The following PKHD1 variants were observed in gnomAD, a reference collection of about 807,000 sequenced individuals.
PKHD1 encodes PKHD1 ciliary IPT domain containing fibrocystin/polyductin.
In PKHD1, 291 loss-of-function variants were observed where a neutral mutation model predicts 412.0. The ratio of observed to expected loss-of-function variants is 0.71; its 90% CI spans 0.64 to 0.78. The LOEUF (loss-of-function observed/expected upper bound fraction) is 0.78, where lower values mean the gene tolerates loss of function less well. Ranked by LOEUF, PKHD1 falls within the 30% of genes least tolerant of loss-of-function variation. The pLI is 0.00. For missense variants in PKHD1, 4,825 were observed against 4,950.7 expected (o/e 0.97, Z 0.76); for synonymous variants, 1,777 against 1,821.5 (o/e 0.98, Z 0.62).
At chr6:51,870,788 C>T (rs1775866756) in intron 46 of PKHD1, 149 bp from the exon 47 acceptor site, 3 of 634,368 alleles carry the variant, frequency 4.7e-6, no homozygotes, top group African/African-American at 3.7e-5. Context: ...GACAAAGGAC[C>T]TATATCCAGA....
intron 60 of PKHD1, among the ~76,000 whole-genome samples, chr6:51,676,602 C>T (rs1582018497): frequency 8.7e-6 from 1 of 114,864 alleles, no homozygotes; most frequent in African/African-American, 2.9e-5. Flanking sequence ...ACATTTATAC[C>T]TCATTTGATT....
chr6:51,906,670 A>T (rs1034872530), intron 40 of PKHD1, among the ~76,000 whole-genome samples: 1 of 152,164 alleles, frequency 6.6e-6, no homozygotes, highest in Non-Finnish European at 1.5e-5. Context: ...ATCATAATAC[A>T]GCAGATGAGA....
At chr6:51,795,067 T>C (rs1677246803) in intron 52 of PKHD1, among the ~76,000 whole-genome samples, 1 of 152,232 alleles carries the variant, frequency 6.6e-6, no homozygotes, top group African/African-American at 2.4e-5. Context: ...GTGAAGAATC[T>C]TAATGGTAGT....
intron 35 of PKHD1, among the ~76,000 whole-genome samples, chr6:51,969,108 A>T (rs1793281569): frequency 6.6e-6 from 1 of 152,192 alleles, no homozygotes; most frequent in Non-Finnish European, 1.5e-5. Flanking sequence ...GTGAGTCCTT[A>T]AGAGAGAGAT....
intron 35 of PKHD1, among the ~76,000 whole-genome samples, chr6:51,981,377 G>A (rs1257509410): frequency 1.1e-4 from 7 of 65,078 alleles, no homozygotes; most frequent in African/African-American, 2.6e-4. Flanking sequence ...CTCCCTCCAC[G>A]GTCTCCCTCT....
intron 49 of PKHD1, among the ~76,000 whole-genome samples, chr6:51,854,281 T>C (rs927728132): frequency 6.6e-6 from 1 of 151,856 alleles, no homozygotes; most frequent in Admixed American, 6.6e-5. Flanking sequence ...GAGACAGGAG[T>C]GCAGCAAAGA....
intron 60 of PKHD1, among the ~76,000 whole-genome samples, chr6:51,671,548 C>T (rs1438707974): frequency 1.3e-5 from 2 of 152,304 alleles, no homozygotes; most frequent in African/African-American, 4.8e-5. Flanking sequence ...TCTCTCAGCT[C>T]GTCAAAGTCA....
rs750265040 is a variant in PKHD1, at chr6:52,069,541, A to G, written c.708-14T>C. On this transcript the variant is annotated splice_polypyrimidine_tract_variant and intron_variant, in intron 10 of 66. Transcript: ENST00000371117. The stretch of plus-strand genomic sequence containing the variant: ...TGGACCATTGACCTTCGAAAAAGAC[A>G]AAGTTCTGTTTTGAATGAAAATATC... 9 of 1,604,836 alleles carry G rather than the reference A, an allele frequency of 5.6e-6. No homozygotes were observed. Among genetic ancestry groups the G allele is most frequent in the Non-Finnish European group, 7.7e-6 (9 of 1,171,648 alleles).
At chr6:52,052,000 G>A (rs1438168710) in intron 21 of PKHD1, among the ~76,000 whole-genome samples, 2 of 152,120 alleles carry the variant, frequency 1.3e-5, no homozygotes, top group African/African-American at 2.4e-5. Flanking sequence ...ATTTTGATGA[G>A]AATCAAAGAT....
At chr6:51,917,172 A>T (rs576502719) in intron 37 of PKHD1, among the ~76,000 whole-genome samples, 1 of 105,304 alleles carries the variant, frequency 9.5e-6, no homozygotes, top group Admixed American at 1.3e-4. Flanking sequence ...GGAGGGAGAG[A>T]GGGAGAGAGG....
intron 60 of PKHD1, among the ~76,000 whole-genome samples, chr6:51,743,458 T>C (rs577895167): frequency 2.2e-4 from 33 of 152,148 alleles, no homozygotes; most frequent in Non-Finnish European, 4.7e-4. Flanking sequence ...TTGAGGCATA[T>C]TGAGTCTGAG....
In PKHD1 at chr6:52,065,133, T is replaced by TTATATA. The variant is rs369093047; in HGVS notation, c.881-89_881-84dup. The TTATATA allele has an allele frequency of 1.6e-3, 218 of 132,194 alleles. 1 individual carries two copies. The highest frequency in any genetic ancestry group is 2.4e-3 in the Non-Finnish European group (178 of 74,614). 8.2% of individuals were successfully genotyped at this position (132,194 alleles called of 1,614,324 possible). ...TATATGTGTGTGGGTATATGTATAA[T>TTATATA]TATATATATATATATATATATATAT... On this transcript the variant is annotated intron_variant, in intron 12 of 66. Coordinates refer to ENST00000371117, the MANE Select transcript of PKHD1 (RefSeq NM_138694.4).
chr6:51,702,060 C>T (rs1779465574), intron 60 of PKHD1, among the ~76,000 whole-genome samples: 2 of 149,104 alleles, frequency 1.3e-5, no homozygotes, highest in Admixed American at 6.7e-5. Flanking sequence ...TACTTGCACA[C>T]ACATGTTTAT....
At chr6:51,960,360 T>C (rs902598547) in intron 35 of PKHD1, among the ~76,000 whole-genome samples, 6 of 152,206 alleles carry the variant, frequency 3.9e-5, no homozygotes, top group South Asian at 2.1e-4. Flanking sequence ...GCCTTTTTTT[T>C]CCCCTCTAGC....
At chr6:51,807,840 T>C (rs1436336572) in intron 52 of PKHD1, among the ~76,000 whole-genome samples, 1 of 152,032 alleles carries the variant, frequency 6.6e-6, no homozygotes. Context: ...GTATGATTCC[T>C]TTTACATGAA....
intron 48 of PKHD1, among the ~76,000 whole-genome samples, chr6:51,860,949 T>C (rs1484039293): frequency 1.3e-5 from 2 of 152,002 alleles, no homozygotes; most frequent in African/African-American, 4.8e-5. Context: ...GTAGCTGGGA[T>C]TACAGGCACC....
At chr6:52,064,508 T>C (rs183336209) in intron 13 of PKHD1, among the ~76,000 whole-genome samples, 7 of 152,270 alleles carry the variant, frequency 4.6e-5, no homozygotes, top group Admixed American at 4.6e-4. Flanking sequence ...GAAAAATTCA[T>C]ATTTAAATGC....
rs1562253811 is a variant in PKHD1 at position 52,058,526 on chromosome 6, A to G, written c.1309T>C (p.Trp437Arg). The part of the protein sequence containing the change: ...SWEQNRDEGT[W>R]QQKTPKLELL... Reference sequence around the variant, plus strand: ...TCCAACTTGGGAGTCTTCTGCTGCCAGGTCCCTTCATCCCTATTCTGCTCC... The same window carrying G: ...TCCAACTTGGGAGTCTTCTGCTGCCGGGTCCCTTCATCCCTATTCTGCTCC... Residue 437 changes from tryptophan (W) to arginine (R), a missense_variant, in exon 16 of 67, where the codon TGG (tryptophan) becomes CGG (arginine). Trp to Arg is a moderately radical substitution (Grantham distance 101, BLOSUM62 -3). Transcript: ENST00000371117. 6.2e-7 allele frequency: 1 copy of G among 1,614,194 alleles called. No individual in the cohort carries two copies. Among genetic ancestry groups the G allele is most frequent in the Non-Finnish European group, 8.5e-7 (1 of 1,180,028 alleles).
At chr6:52,047,360 A>G (rs543548499) in intron 23 of PKHD1, among the ~76,000 whole-genome samples, 2 of 152,274 alleles carry the variant, frequency 1.3e-5, no homozygotes, top group East Asian at 3.9e-4. Flanking sequence ...CTCTCACCCA[A>G]GAAGGTCCTG....
Sources: allele counts gnomAD v4.1 joint callset (sites outside exome capture counted in the v4.1 genomes callset), GRCh38; gene constraint gnomAD v4.1.1; transcripts MANE v1.5; gene names NCBI Gene and HGNC (gene_info 2026-07-23, HGNC 2026-07-21).